Variants in RBBP8 observed in about 807,000 individuals in gnomAD.
RBBP8 encodes RB binding protein 8, endonuclease.
RBBP8 carries 88 observed loss-of-function variants against 108.3 expected under a neutral mutation model. The ratio of observed to expected loss-of-function variants is 0.81; its 90% CI spans 0.68 to 0.97. The LOEUF (loss-of-function observed/expected upper bound fraction) is 0.97. Ranked by LOEUF, RBBP8 falls within the 50% of genes least tolerant of loss-of-function variation. RBBP8 has a pLI of 0.00. For missense variants in RBBP8, 1,023 were observed against 1,049.0 expected, an observed-to-expected ratio of 0.98 and a Z score of 0.34; for synonymous variants, 332 against 348.2, an observed-to-expected ratio of 0.95 and a Z score of 0.52.
At chr18:23,022,668 T>TAAATAA (rs1175474463) in intron 18 of RBBP8, among the ~76,000 whole-genome samples, 1 of 136,030 alleles carries the variant, frequency 7.4e-6, no homozygotes, top group Non-Finnish European at 1.6e-5. Flanking sequence ...TAAAATAAAA[T>TAAATAA]AAATAACTGT....
chr18:22,918,941 A>G (rs1004867813), intron 3 of RBBP8, among the ~76,000 whole-genome samples: 9 of 152,160 alleles, frequency 5.9e-5, no homozygotes, highest in Non-Finnish European at 1.2e-4. Flanking sequence ...GGACTCTGGA[A>G]TGTGTTTTCT....
In RBBP8 at chr18:22,993,649, A is replaced by C. The variant is rs1236188123; in HGVS notation, c.1812+10A>C. On this transcript the variant is annotated intron_variant, in intron 11 of 18. Coordinates refer to ENST00000327155, the MANE Select transcript of RBBP8 (RefSeq NM_002894.3). ...TTTAGATGACATAAAGGTTTGTGTT[A>C]AATGTTCAAGGATTTTGATTAAAAT... The C allele has an allele frequency of 4.3e-6, 7 of 1,614,128 alleles. No individual in the cohort carries two copies. The highest frequency in any genetic ancestry group is 3.3e-4 in the Middle Eastern group (2 of 6,084).
At chr18:23,006,085 C>CTGAGGCAAGAGGATGGCG (rs1267921902) in intron 15 of RBBP8, among the ~76,000 whole-genome samples, 1 of 151,748 alleles carries the variant, frequency 6.6e-6, no homozygotes, top group African/African-American at 2.4e-5. Flanking sequence ...ACTCAGGAGG[C>CTGAGGCAAGAGGATGGCG]TGAGGCAAGA....
Position 22,991,083 on chromosome 18 carries a change from C to T in RBBP8, c.920+34C>T, listed in dbSNP as rs1161333150. ...GGGCACGTTGGTGAAAACTGATAAG[C>T]TATTGGTGAGATCCCATTACAATGA... On this transcript the variant is annotated intron_variant, in intron 10 of 18. Coordinates refer to ENST00000327155, the MANE Select transcript of RBBP8 (RefSeq NM_002894.3). 2.1e-6 allele frequency: 3 copies of T among 1,415,480 alleles called. No individual in the cohort carries two copies. In the South Asian group the frequency reaches 3.5e-5, roughly 16 times the overall value. 87.7% of individuals were successfully genotyped at this position (1,415,480 alleles called of 1,614,324 possible).
intron 4 of RBBP8, among the ~76,000 whole-genome samples, chr18:22,962,115 T>C (rs1257193135): frequency 1.3e-5 from 2 of 152,228 alleles, no homozygotes; most frequent in African/African-American, 4.8e-5. Context: ...TAGGTTTATA[T>C]CTGTAGAATT....
chr18:22,943,285 T>C (rs1157608773), intron 2 of RBBP8, among the ~76,000 whole-genome samples: 10 of 151,962 alleles, frequency 6.6e-5, no homozygotes, highest in Admixed American at 3.9e-4. Flanking sequence ...AAAACATTTT[T>C]TTAATTAGCT....
intron 18 of RBBP8, among the ~76,000 whole-genome samples, chr18:23,022,704 T>G (rs1443687524): frequency 1.3e-5 from 2 of 150,492 alleles, no homozygotes; most frequent in Non-Finnish European, 3.0e-5. Context: ...AACATGCACC[T>G]TTTTTTCTGT....
intron 4 of RBBP8, among the ~76,000 whole-genome samples, chr18:22,961,130 T>C (rs1013784255): frequency 1.3e-5 from 2 of 152,216 alleles, no homozygotes; most frequent in East Asian, 3.8e-4. Context: ...AAAAGCATTA[T>C]ATGTATGTGA....
chr18:22,949,615 T>G lies in RBBP8; in HGVS notation c.153-3T>G, dbSNP rs369315269. On this transcript the variant is annotated splice_region_variant and splice_polypyrimidine_tract_variant and intron_variant, in intron 3 of 18. Coordinates refer to ENST00000327155, the MANE Select transcript of RBBP8 (RefSeq NM_002894.3). Reference sequence around the variant, plus strand: ...AAAAACTTATTTATTTTTTGACCTTTAGAGATGCACAAAGACTAGAAGAAT... The same window carrying G: ...AAAAACTTATTTATTTTTTGACCTTGAGAGATGCACAAAGACTAGAAGAAT... 9 of 1,601,848 alleles carry G rather than the reference T, an allele frequency of 5.6e-6. No individual in the cohort carries two copies. The Admixed American group carries it at 1.2e-4, about 21-fold the overall frequency.
intron 2 of RBBP8, among the ~76,000 whole-genome samples, chr18:22,945,683 C>T (rs925518710): frequency 6.6e-6 from 1 of 151,936 alleles, no homozygotes; most frequent in Non-Finnish European, 1.5e-5. Context: ...CGTGCCCAGC[C>T]GATTAAATAA....
chr18:22,995,200 T>C (rs577308040), intron 12 of RBBP8, among the ~76,000 whole-genome samples: 3 of 152,266 alleles, frequency 2.0e-5, no homozygotes, highest in East Asian at 1.9e-4. Flanking sequence ...TTTTAGTCTC[T>C]ATATGAAAAC....
At chr18:22,975,700 G>A (rs189646147) in intron 6 of RBBP8, among the ~76,000 whole-genome samples, 69 of 151,686 alleles carry the variant, frequency 4.5e-4, no homozygotes, top group Non-Finnish European at 5.9e-5. Context: ...TGTGTTTTAT[G>A]TTTATTATTT....
chr18:22,958,318 C>T (rs1912759748), intron 4 of RBBP8, among the ~76,000 whole-genome samples: 1 of 152,206 alleles, frequency 6.6e-6, no homozygotes, highest in Admixed American at 6.5e-5. Flanking sequence ...GCCTTTCTGC[C>T]ACTGAGGGAA....
chr18:22,927,112 T>A (rs1244987647), intron 3 of RBBP8, among the ~76,000 whole-genome samples: 1 of 152,216 alleles, frequency 6.6e-6, no homozygotes, highest in Non-Finnish European at 1.5e-5. Flanking sequence ...GATACTTTTC[T>A]TTTGTCTTAA....
chr18:22,923,106 C>T (rs1477710884), intron 3 of RBBP8, among the ~76,000 whole-genome samples: 2 of 152,156 alleles, frequency 1.3e-5, no homozygotes, highest in Non-Finnish European at 2.9e-5. Context: ...CTACCGTTAA[C>T]AACAGTTTCT....
At chr18:22,932,957 A>G (rs1342872434), upstream of RBBP8, among the ~76,000 whole-genome samples, 1 of 152,224 alleles carries the variant, frequency 6.6e-6, no homozygotes, top group African/African-American at 2.4e-5. Flanking sequence ...GCCGAAAACT[A>G]TGTTAGACGG....
chr18:23,008,433 G>A (rs2046096852), intron 16 of RBBP8, among the ~76,000 whole-genome samples: 1 of 151,948 alleles, frequency 6.6e-6, no homozygotes, highest in Admixed American at 6.6e-5. Context: ...CCAAACAAAT[G>A]GTACTCTAGC....
intron 11 of RBBP8, 38 bp from the exon 12 acceptor site, chr18:22,993,683 G>C: frequency 1.2e-6 from 2 of 1,614,184 alleles, no homozygotes; most frequent in Non-Finnish European, 1.7e-6. Context: ...ATGATTGCTT[G>C]TGATTTCATT....
chr18:23,012,207 C>CA lies in RBBP8; in HGVS notation c.2358-4621_2358-4620insA, dbSNP rs368600707. ...TGGGAGACAAAGTGAGATGCTGTCT[C>CA]CAAAAAAAAAAAAAAAAAAAAAAAC... On this transcript the variant is annotated intron_variant, in intron 16 of 18. Transcript: ENST00000327155. Among the ~76,000 whole-genome samples, 579 of 81,140 alleles carry CA rather than the reference C, an allele frequency of 7.1e-3. 91 individuals carry two copies. Among genetic ancestry groups the CA allele is most frequent in the African/African-American group, 0.023 (487 of 21,362 alleles). 53.2% of individuals were successfully genotyped at this position (81,140 alleles called of 152,430 possible). A position where few individuals can be genotyped will look rare whatever the true frequency, so the allele number is the denominator to read the frequency against.
Sources: allele counts gnomAD v4.1 joint callset (sites outside exome capture counted in the v4.1 genomes callset), GRCh38; gene constraint gnomAD v4.1.1; transcripts MANE v1.5; gene names NCBI Gene and HGNC (gene_info 2026-07-23, HGNC 2026-07-21).